The following CCAR1 variants were observed in gnomAD, a reference collection of about 807,000 sequenced individuals.
CCAR1 encodes cell division cycle and apoptosis regulator 1, also known as cell division cycle and apoptosis regulator protein 1.
Under a neutral mutation model 163.8 loss-of-function variants are expected in CCAR1, and 78 were observed. The observed-to-expected ratio is 0.48, with a 90% CI of 0.40 to 0.57. The LOEUF (loss-of-function observed/expected upper bound fraction) is 0.57, where lower values mean the gene tolerates loss of function less well. CCAR1 is among the 20% of genes least tolerant of loss of function. CCAR1 has a pLI of 0.00. For synonymous variants in CCAR1, 443 were observed against 460.7 expected, an observed-to-expected ratio of 0.96 and a Z score of 0.49; for missense variants, 1,019 against 1,365.2, an observed-to-expected ratio of 0.75 and a Z score of 4.00.
intron 2 of CCAR1, among the ~76,000 whole-genome samples, chr10:68,726,027 C>T (rs758706113): frequency 2.0e-5 from 3 of 149,922 alleles, no homozygotes; most frequent in South Asian, 2.1e-4. Flanking sequence ...GCGTGAAGAT[C>T]GCTTAAACCT....
intron 18 of CCAR1, among the ~76,000 whole-genome samples, chr10:68,772,420 C>T (rs1224690785): frequency 6.6e-6 from 1 of 151,652 alleles, no homozygotes; most frequent in Non-Finnish European, 1.5e-5. Flanking sequence ...GAGTTGGAGG[C>T]TGCAGTAAGC....
rs761039306 is a variant in CCAR1 at position 68,747,144 on chromosome 10, T to TA, written c.519-17_519-16insA. The stretch of plus-strand genomic sequence containing the variant: ...TTGTATTTATATTTAACTTTTTTTT[T>TA]CTTTTTTTTTTTACAGTGCTGTCAA... On this transcript the variant is annotated splice_polypyrimidine_tract_variant and intron_variant, in intron 6 of 24. Transcript: ENST00000265872. 2 of 1,282,948 alleles carry TA rather than the reference T, an allele frequency of 1.6e-6. No individual in the cohort carries two copies. The highest frequency in any genetic ancestry group is 1.1e-6 in the Non-Finnish European group (1 of 917,528). 79.5% of individuals were successfully genotyped at this position (1,282,948 alleles called of 1,614,324 possible).
chr10:68,749,695 T>G lies in CCAR1; in HGVS notation c.1118+10T>G, dbSNP rs1166451363. The G allele has an allele frequency of 1.3e-6, 2 of 1,589,818 alleles. No homozygotes were observed. Among genetic ancestry groups the G allele is most frequent in the Non-Finnish European group, 1.7e-6 (2 of 1,162,506 alleles). On this transcript the variant is annotated intron_variant, in intron 10 of 24. Coordinates refer to ENST00000265872, the MANE Select transcript of CCAR1 (RefSeq NM_018237.4). ...AGTTTTCTTTAGATTGGTAGGTTAT[T>G]CCCCACCCATTGTTTTCTTGAGTTA...
At chr10:68,745,455 C>G (rs1366328986) in intron 6 of CCAR1, among the ~76,000 whole-genome samples, 1 of 151,012 alleles carries the variant, frequency 6.6e-6, no homozygotes, top group Non-Finnish European at 1.5e-5. Flanking sequence ...GCCCATGCTA[C>G]CACGTCCAGC....
chr10:68,746,731 C>T (rs1191082796), intron 6 of CCAR1, among the ~76,000 whole-genome samples: 2 of 151,956 alleles, frequency 1.3e-5, no homozygotes, highest in African/African-American at 4.8e-5. Flanking sequence ...GTGTGCGCCA[C>T]CACGCTCGGC....
chr10:68,774,417 C>T (rs982015239), intron 19 of CCAR1, among the ~76,000 whole-genome samples: 7 of 151,968 alleles, frequency 4.6e-5, no homozygotes, highest in Non-Finnish European at 1.0e-4. Flanking sequence ...GCGGGTGGAT[C>T]ACCTGAGGTC....
At chr10:68,788,085 T>C (rs1564555395) in intron 22 of CCAR1, 38 bp downstream of exon 22, 2 of 1,532,898 alleles carry the variant, frequency 1.3e-6, no homozygotes, top group African/African-American at 2.8e-5. Flanking sequence ...TTAATAAATA[T>C]ACTAGTAATT....
intron 19 of CCAR1, among the ~76,000 whole-genome samples, chr10:68,784,973 A>C (rs2056779644): frequency 7.3e-6 from 1 of 136,510 alleles, no homozygotes; most frequent in Non-Finnish European, 1.5e-5. Flanking sequence ...GCTGGAGTGC[A>C]GTGTCACAAT....
intron 19 of CCAR1, among the ~76,000 whole-genome samples, chr10:68,783,598 A>G (rs974520795): frequency 6.6e-6 from 1 of 151,960 alleles, no homozygotes; most frequent in African/African-American, 2.4e-5. Context: ...TGAAACCCCA[A>G]CTCTACTAAA....
chr10:68,754,165 T>C, intron 11 of CCAR1, 88 bp downstream of exon 11: 4 of 916,120 alleles, frequency 4.4e-6, no homozygotes, highest in Non-Finnish European at 6.7e-6. Context: ...CAGAAAGTGT[T>C]TGTTAGGTAG....
intron 2 of CCAR1, among the ~76,000 whole-genome samples, chr10:68,723,758 G>T (rs182436127): frequency 2.2e-3 from 331 of 151,722 alleles, no homozygotes; most frequent in Non-Finnish European, 3.7e-3. Flanking sequence ...TGAGGCAGGA[G>T]AATGGCGTGA....
intron 19 of CCAR1, among the ~76,000 whole-genome samples, chr10:68,784,706 G>A (rs1032837666): frequency 1.8e-4 from 28 of 152,090 alleles, no homozygotes; most frequent in South Asian, 1.5e-3. Flanking sequence ...GCGCTACTTA[G>A]TCTGACTCAT....
At position 68,747,612 on chromosome 10, in the gene CCAR1, T is replaced by C. The variant is rs772154720; in HGVS notation, c.826+46T>C. ...GGCAAATGTATAACTTTTTAGTTGT[T>C]GATAATGTAACTATGCTTTTAATTA... On this transcript the variant is annotated intron_variant, in intron 8 of 24. Transcript: ENST00000265872. 3 of 1,530,490 alleles carry C rather than the reference T, an allele frequency of 2.0e-6. No homozygotes were observed. The South Asian group carries it at 3.5e-5, about 18-fold the overall frequency. The allele number at this position is 1,530,490 out of a possible 1,614,324, so 94.8% of individuals were successfully genotyped here.
At chr10:68,753,053 ATC>A (rs2133359578) in intron 10 of CCAR1, among the ~76,000 whole-genome samples, 1 of 114,116 alleles carries the variant, frequency 8.8e-6, no homozygotes, top group Admixed American at 8.9e-5. Flanking sequence ...AAATAAAGAC[ATC>A]TCTGCATGTA....
chr10:68,760,013 A>G (rs1030354972), intron 15 of CCAR1, among the ~76,000 whole-genome samples: 2 of 151,646 alleles, frequency 1.3e-5, no homozygotes, highest in Non-Finnish European at 2.9e-5. Context: ...TTTTTTTTCT[A>G]AAGAGATGGG....
chr10:68,744,632 C>G (rs2056228472), intron 6 of CCAR1, among the ~76,000 whole-genome samples: 1 of 152,074 alleles, frequency 6.6e-6, no homozygotes, highest in Non-Finnish European at 1.5e-5. Context: ...AAAAGAGATT[C>G]CTGTTTTTTA....
At chr10:68,778,798 C>G (rs1393476471) in intron 19 of CCAR1, among the ~76,000 whole-genome samples, 1 of 152,100 alleles carries the variant, frequency 6.6e-6, no homozygotes, top group Non-Finnish European at 1.5e-5. Flanking sequence ...TGTTTTACCA[C>G]TTTTTTTCAT....
chr10:68,743,620 G>T (rs2056213525), intron 6 of CCAR1, among the ~76,000 whole-genome samples: 1 of 151,766 alleles, frequency 6.6e-6, no homozygotes, highest in African/African-American at 2.4e-5. Flanking sequence ...TCACCTCACT[G>T]CAACCTCCAC....
intron 15 of CCAR1, among the ~76,000 whole-genome samples, chr10:68,759,914 A>G (rs990750468): frequency 6.6e-6 from 1 of 152,194 alleles, no homozygotes; most frequent in African/African-American, 2.4e-5. Context: ...AGTTCACTGT[A>G]GCTTCAAACT....
Sources: gnomAD v4.1 joint callset for allele counts (sites outside exome capture counted in the v4.1 genomes callset) on GRCh38, gnomAD v4.1.1 for gene constraint, MANE v1.5 for transcripts, NCBI Gene and HGNC (gene_info 2026-07-23, HGNC 2026-07-21) for gene names.